The following GRIN2A variants were observed in gnomAD, a reference collection of about 807,000 sequenced individuals.
The protein encoded by GRIN2A is glutamate receptor ionotropic, NMDA 2A.
Under a neutral mutation model 113.4 loss-of-function variants are expected in GRIN2A, and 22 were observed. The observed-to-expected ratio is 0.19, with a 90% CI of 0.14 to 0.28. The LOEUF (loss-of-function observed/expected upper bound fraction) is 0.28, where lower values mean the gene tolerates loss of function less well. Among genes scored for constraint, GRIN2A ranks in the 10% least tolerant of loss-of-function variants. The pLI, the probability that GRIN2A is intolerant of heterozygous loss-of-function variation, is 1.00. For missense variants in GRIN2A, 1,502 were observed against 1,887.0 expected, an observed-to-expected ratio of 0.80 and a Z score of 3.78; for synonymous variants, 827 against 738.4, an observed-to-expected ratio of 1.12 and a Z score of -1.94.
chr16:10,180,759 G>T lies in GRIN2A; in HGVS notation c.-18-330C>A, dbSNP rs568236455. ...TTCCCCAAGTTCGCCGCGGGCCACAGACCCTAAGCGCCGCGCGTGTTCTGT... is the reference window on the plus strand; with the variant it reads ...TTCCCCAAGTTCGCCGCGGGCCACATACCCTAAGCGCCGCGCGTGTTCTGT... On this transcript the variant is annotated intron_variant, in intron 1 of 12. Coordinates refer to ENST00000330684, the MANE Select transcript of GRIN2A (RefSeq NM_001134407.3). This position sits in a 1 kb window ranked among gnomAD's most constrained non-coding sequence, Gnocchi z 7.0. 2.2e-6 allele frequency: 1 copy of T among 464,190 alleles called. No homozygotes were observed. Among genetic ancestry groups the T allele is most frequent in the East Asian group, 4.1e-5 (1 of 24,204 alleles). The allele number at this position is 464,190 out of a possible 1,614,324, so 28.8% of individuals were successfully genotyped here. A position where few individuals can be genotyped will look rare whatever the true frequency, so the allele number is the denominator to read the frequency against.
At chr16:10,034,876 T>C (rs1461869665) in intron 2 of GRIN2A, among the ~76,000 whole-genome samples, 2 of 152,228 alleles carry the variant, frequency 1.3e-5, no homozygotes, top group African/African-American at 4.8e-5. Context: ...GGTCAGCTAA[T>C]TTGAATATCA....
chr16:10,127,301 A>G (rs2048960180), intron 2 of GRIN2A, among the ~76,000 whole-genome samples: 1 of 151,986 alleles, frequency 6.6e-6, no homozygotes, highest in Non-Finnish European at 1.5e-5. Context: ...TATGTTCAAG[A>G]TGAATCACCT....
At chr16:9,937,020 G>A (rs966823515) in intron 3 of GRIN2A, among the ~76,000 whole-genome samples, 1 of 152,178 alleles carries the variant, frequency 6.6e-6, no homozygotes, top group African/African-American at 2.4e-5. Context: ...ACTTGCACAT[G>A]TGCTTAGACA....
intron 2 of GRIN2A, among the ~76,000 whole-genome samples, chr16:10,121,794 G>C (rs1043412513): frequency 6.6e-6 from 1 of 152,130 alleles, no homozygotes; most frequent in Non-Finnish European, 1.5e-5. Context: ...CCCCAGGAAA[G>C]GAGGGTGAGC....
At chr16:9,820,464 C>T (rs952111946) in intron 10 of GRIN2A, among the ~76,000 whole-genome samples, 1 of 152,130 alleles carries the variant, frequency 6.6e-6, no homozygotes, top group East Asian at 1.9e-4. Flanking sequence ...AACAGAAATG[C>T]GCTCACTCAT....
intron 3 of GRIN2A, among the ~76,000 whole-genome samples, chr16:9,901,183 G>T (rs2141516792): frequency 6.6e-6 from 1 of 152,272 alleles, no homozygotes; most frequent in African/African-American, 2.4e-5. Flanking sequence ...GTATAAAGTA[G>T]ATGCTCAATG....
intron 4 of GRIN2A, among the ~76,000 whole-genome samples, chr16:9,862,679 G>C (rs937362201): frequency 1.3e-5 from 2 of 152,144 alleles, no homozygotes; most frequent in African/African-American, 4.8e-5. Flanking sequence ...AATTCTTTGT[G>C]TGCTCTTAAA....
chr16:9,778,544 G>T (rs971825194), intron 11 of GRIN2A, among the ~76,000 whole-genome samples: 2 of 152,194 alleles, frequency 1.3e-5, no homozygotes, highest in African/African-American at 2.4e-5. Flanking sequence ...GAAAAAAAAG[G>T]ATAGCAATAA....
At chr16:10,144,580 T>C (rs1193515902) in intron 2 of GRIN2A, among the ~76,000 whole-genome samples, 1 of 152,232 alleles carries the variant, frequency 6.6e-6, no homozygotes, top group African/African-American at 2.4e-5. Context: ...ATCAGATATA[T>C]AATTTGCAAA....
intron 2 of GRIN2A, among the ~76,000 whole-genome samples, chr16:10,013,630 G>T (rs757156733): frequency 6.6e-6 from 1 of 152,110 alleles, no homozygotes; most frequent in Non-Finnish European, 1.5e-5. Context: ...TGCTCATTCT[G>T]TCTGACCCTT....
intron 11 of GRIN2A, among the ~76,000 whole-genome samples, chr16:9,793,248 C>A (rs957928687): frequency 1.3e-5 from 2 of 152,106 alleles, no homozygotes; most frequent in African/African-American, 4.8e-5. Flanking sequence ...ACAATTTTTT[C>A]CTTCCCTTTT....
chr16:10,091,318 C>T lies in GRIN2A; in HGVS notation c.414+88680G>A, dbSNP rs2048179434. ...AAATACCCATGAGCTGGTAAATAAA[C>T]AAAATGTTGGCTGGGCGCAGTGGAT... is the stretch of plus-strand genomic sequence containing the variant. On this transcript the variant is annotated intron_variant, in intron 2 of 12. Transcript: ENST00000330684. Among the ~76,000 whole-genome samples, 3 of 152,108 alleles carry T rather than the reference C, an allele frequency of 2.0e-5. No individual in the cohort carries two copies. In the South Asian group the frequency reaches 6.2e-4, roughly 32 times the overall value.
At position 10,180,913 on chromosome 16, in the gene GRIN2A, G is replaced by C. The variant is rs556656742; in HGVS notation, c.-18-484C>G. The C allele has an allele frequency of 1.0e-5, 2 of 190,772 alleles. No individual in the cohort carries two copies. The highest frequency in any genetic ancestry group is 4.7e-5 in the African/African-American group (2 of 42,472). 11.8% of individuals were successfully genotyped at this position (190,772 alleles called of 1,614,324 possible). On this transcript the variant is annotated intron_variant, in intron 1 of 12. Coordinates refer to ENST00000330684, the MANE Select transcript of GRIN2A (RefSeq NM_001134407.3). The surrounding 1 kb of genome is among the most constrained non-coding windows in gnomAD (Gnocchi z 7.0). The stretch of plus-strand genomic sequence containing the variant: ...GCGAACTACAGACCCCGCAGGGCGT[G>C]CGGAGGCGGCACCCAGACCCCGCGT...
intron 2 of GRIN2A, among the ~76,000 whole-genome samples, chr16:9,996,803 G>T (rs1052889666): frequency 6.6e-6 from 1 of 151,998 alleles, no homozygotes; most frequent in African/African-American, 2.4e-5. Flanking sequence ...GATGAATAGG[G>T]GTGGGGATTT....
chr16:10,166,701 G>A (rs905641806), intron 2 of GRIN2A, among the ~76,000 whole-genome samples: 2 of 152,192 alleles, frequency 1.3e-5, no homozygotes, highest in Admixed American at 6.5e-5. Flanking sequence ...AGAAATGTAT[G>A]AAGAATGAAC....
intron 2 of GRIN2A, among the ~76,000 whole-genome samples, chr16:10,073,640 T>C (rs1208757891): frequency 6.6e-6 from 1 of 152,062 alleles, no homozygotes; most frequent in Non-Finnish European, 1.5e-5. Context: ...TTAGACATCC[T>C]TCACCCTTTG....
chr16:9,841,223 G>A lies in GRIN2A; in HGVS notation c.1329-119C>T, dbSNP rs2042672374. 25 of 836,778 alleles carry A rather than the reference G, an allele frequency of 3.0e-5. No individual in the cohort carries two copies. The South Asian group carries it at 3.5e-4, about 12-fold the overall frequency. The allele number at this position is 836,778 out of a possible 1,614,324, so 51.8% of individuals were successfully genotyped here. A position where few individuals can be genotyped will look rare whatever the true frequency, so the allele number is the denominator to read the frequency against. On this transcript the variant is annotated intron_variant, in intron 5 of 12. Coordinates refer to ENST00000330684, the MANE Select transcript of GRIN2A (RefSeq NM_001134407.3). ...AAACTGAAGTTTAAAAGGGGAAGTG[G>A]CTTTCCCAAGGACACACTGTGAGTA...
At chr16:9,768,331 C>A (rs151103152) in intron 12 of GRIN2A, among the ~76,000 whole-genome samples, 2 of 152,188 alleles carry the variant, frequency 1.3e-5, no homozygotes, top group Non-Finnish European at 2.9e-5. Flanking sequence ...GGATTATAGG[C>A]ATGAGCCACC....
At chr16:10,163,435 T>C (rs2049846749) in intron 2 of GRIN2A, among the ~76,000 whole-genome samples, 1 of 152,198 alleles carries the variant, frequency 6.6e-6, no homozygotes. Context: ...TGTGTCCTTT[T>C]CTAAACAGTT....
Sources: gnomAD v4.1 joint callset for allele counts (sites outside exome capture counted in the v4.1 genomes callset) on GRCh38, gnomAD v4.1.1 for gene constraint, Gnocchi (gnomAD v3.1) non-coding constraint, MANE v1.5 for transcripts, NCBI Gene and HGNC (gene_info 2026-07-23, HGNC 2026-07-21) for gene names.